NFE2L3: variants seen among roughly 807,000 people sequenced by gnomAD.
NFE2L3 encodes the protein nuclear factor erythroid 2-related factor 3.
Under a neutral mutation model 23.5 loss-of-function variants are expected in NFE2L3, and 18 were observed. The observed-to-expected ratio is 0.77, with a 90% CI of 0.53 to 1.13. The LOEUF (loss-of-function observed/expected upper bound fraction) is 1.13. Among genes scored for constraint, NFE2L3 ranks in the 50% most tolerant of loss-of-function variants. The probability of loss-of-function intolerance (pLI) is 0.00; values close to 1 mark genes in which losing one functional copy is unlikely to be tolerated. For synonymous variants in NFE2L3, 424 were observed against 354.5 expected, an observed-to-expected ratio of 1.20 and a Z score of -2.20; for missense variants, 1,152 against 877.2, an observed-to-expected ratio of 1.31 and a Z score of -3.96.
chr7:26,175,516 G>T (rs1460350577), intron 1 of NFE2L3, among the ~76,000 whole-genome samples: 1 of 152,036 alleles, frequency 6.6e-6, no homozygotes, highest in Admixed American at 6.5e-5. Flanking sequence ...GGTGGCTCAC[G>T]CCTGTAATCC....
At chr7:26,169,443 C>T (rs1784302209) in intron 1 of NFE2L3, among the ~76,000 whole-genome samples, 2 of 152,210 alleles carry the variant, frequency 1.3e-5, no homozygotes, top group South Asian at 2.1e-4. Context: ...TTACCCTCGC[C>T]TGACAGGTCA....
intron 3 of NFE2L3, chr7:26,184,299 C>A (rs952576222): frequency 4.1e-6 from 2 of 488,016 alleles, no homozygotes; most frequent in South Asian, 6.0e-5. Context: ...ATCCAGTCAG[C>A]TTTTATACTA....
chr7:26,157,855 G>A (rs1784106820), intron 1 of NFE2L3, among the ~76,000 whole-genome samples: 1 of 152,134 alleles, frequency 6.6e-6, no homozygotes, highest in Admixed American at 6.5e-5. Context: ...CAGCAGATTG[G>A]CCCTTCTGCG....
chr7:26,178,014 G>A lies in NFE2L3; in HGVS notation c.642G>A (p.Arg214=), dbSNP rs760497568. Residue 214 remains arginine, a synonymous_variant, in exon 2 of 4, where the codon AGG becomes AGA. Coordinates refer to ENST00000056233, the MANE Select transcript of NFE2L3 (RefSeq NM_004289.7). ...HSSQHEENEE[R]VSAQKENSLQ... ...CCCAGCATGAGGAAAATGAAGAAAGGGTGTCAGCCCAGAAGGAGAACTCAC... is the reference window on the plus strand; with the variant it reads ...CCCAGCATGAGGAAAATGAAGAAAGAGTGTCAGCCCAGAAGGAGAACTCAC... 2 of 1,614,092 alleles carry A rather than the reference G, an allele frequency of 1.2e-6. No homozygotes were observed. Among genetic ancestry groups the A allele is most frequent in the Non-Finnish European group, 1.7e-6 (2 of 1,179,992 alleles).
At position 26,152,620 on chromosome 7, in the gene NFE2L3, TG is replaced by T; in HGVS notation, c.123del (p.Leu42CysfsTer154). The T allele has an allele frequency of 6.5e-7, 1 of 1,536,240 alleles. No individual in the cohort carries two copies. Among genetic ancestry groups the T allele is most frequent in the Non-Finnish European group, 8.7e-7 (1 of 1,152,404 alleles). On this transcript the variant is annotated frameshift_variant, in exon 1 of 4. Transcript: ENST00000056233. LOFTEE classifies it high-confidence loss of function. The surrounding 1 kb of genome is among the most constrained non-coding windows in gnomAD (Gnocchi z 4.4). ...DLYLLLPPPTLLQDELLFLGG... is the reference protein window; with the variant it reads ...DLYLLLPPPTXLQDELLFLGG... ...TACCTGCTGCTGCCGCCGCCCACCC[TG>T]CTGCAGGACGAGCTGCTGTTCCTGG...
At chr7:26,183,002 G>A (rs1038843939) in intron 2 of NFE2L3, among the ~76,000 whole-genome samples, 1 of 151,976 alleles carries the variant, frequency 6.6e-6, no homozygotes, top group African/African-American at 2.4e-5. Context: ...GCCCAAGCTG[G>A]TCTCCAACTC....
chr7:26,167,094 T>C (rs1221230446), intron 1 of NFE2L3, among the ~76,000 whole-genome samples: 1 of 152,204 alleles, frequency 6.6e-6, no homozygotes, highest in East Asian at 1.9e-4. Flanking sequence ...AAAGGCCAGC[T>C]TTGCTCCTTT....
intron 1 of NFE2L3, among the ~76,000 whole-genome samples, chr7:26,156,189 TA>T (rs1403272037): frequency 2.0e-5 from 3 of 152,218 alleles, no homozygotes; most frequent in Non-Finnish European, 4.4e-5. Flanking sequence ...AGAAGGGGCT[TA>T]CCTCAGAGGG....
At position 26,184,843 on chromosome 7, in the gene NFE2L3, A is replaced by G; in HGVS notation, c.1145A>G (p.Tyr382Cys). 1.9e-6 allele frequency: 3 copies of G among 1,614,000 alleles called. No individual in the cohort carries two copies. Among genetic ancestry groups the G allele is most frequent in the South Asian group, 1.1e-5 (1 of 91,076 alleles). ...MRNLTSQDLLYDLDINIFDEI... is the reference protein window; with the variant it reads ...MRNLTSQDLLCDLDINIFDEI... ...AATCTAACAAGCCAAGACCTACTGT[A>G]TGACCTTGACATAAATATATTTGAT... The change falls in exon 4 of 4, where the codon TAT becomes TGT. Residue 382 changes from tyrosine to cysteine, a missense_variant. Physicochemically the swap from Tyr to Cys is radical, Grantham distance 194. Coordinates refer to ENST00000056233, the MANE Select transcript of NFE2L3 (RefSeq NM_004289.7).
At chr7:26,155,977 AC>A (rs1784075904) in intron 1 of NFE2L3, among the ~76,000 whole-genome samples, 1 of 151,430 alleles carries the variant, frequency 6.6e-6, no homozygotes, top group African/African-American at 2.4e-5. Flanking sequence ...TCCTTAACCC[AC>A]CCTCCTTCAC....
chr7:26,177,443 A>G (rs1399745471), intron 1 of NFE2L3, among the ~76,000 whole-genome samples: 2 of 152,196 alleles, frequency 1.3e-5, no homozygotes, highest in African/African-American at 4.8e-5. Flanking sequence ...CCAAAAATAC[A>G]AAAACCAGTC....
At chr7:26,182,799 CTG>C (rs1782352277) in intron 2 of NFE2L3, among the ~76,000 whole-genome samples, 2 of 152,080 alleles carry the variant, frequency 1.3e-5, no homozygotes, top group Non-Finnish European at 1.5e-5. Flanking sequence ...TAAGTATTGA[CTG>C]TAAAAATATT....
At chr7:26,168,427 T>TGCCCAGACATTCTTGTC (rs1554322150) in intron 1 of NFE2L3, among the ~76,000 whole-genome samples, 17 of 147,472 alleles carry the variant, frequency 1.2e-4, no homozygotes, top group South Asian at 2.1e-4. Context: ...TGAGCCACTG[T>TGCCCAGACATTCTTGTC]AGTCTCCATT....
intron 2 of NFE2L3, 78 bp from the exon 3 acceptor site, chr7:26,183,623 T>TCCTTTA (rs1782388753): frequency 4.8e-6 from 4 of 825,908 alleles, no homozygotes; most frequent in Non-Finnish European, 8.3e-6. Flanking sequence ...TACCTGGTGA[T>TCCTTTA]CCTTTAAAGA....
rs1309185366 is a variant in NFE2L3 at position 26,183,823 on chromosome 7, T to C, written c.834+39T>C. ...TGGCTTTTATCCTCGCAGGAACATA[T>C]CTGCACTGACCTTTTGGTGAACAAA... On this transcript the variant is annotated intron_variant, in intron 3 of 3. Coordinates refer to ENST00000056233, the MANE Select transcript of NFE2L3 (RefSeq NM_004289.7). 4 of 1,293,572 alleles carry C rather than the reference T, an allele frequency of 3.1e-6. No individual in the cohort carries two copies. The Admixed American group carries it at 5.0e-5, about 16-fold the overall frequency. The allele number at this position is 1,293,572 out of a possible 1,614,324, so 80.1% of individuals were successfully genotyped here.
At position 26,159,726 on chromosome 7, in the gene NFE2L3, G is replaced by A. The variant is rs1201315106; in HGVS notation, c.570+6658G>A. On this transcript the variant is annotated intron_variant, in intron 1 of 3. Transcript: ENST00000056233. ...GAGTGGATGAGGGCAGTGGAAAGCA[G>A]ACTTTCAGGCTAGCATTATAATTAA... 2.0e-5 allele frequency among the ~76,000 whole-genome samples: 3 copies of A among 152,160 alleles called. No individual in the cohort carries two copies. The East Asian group carries it at 5.8e-4, about 29-fold the overall frequency.
At position 26,185,449 on chromosome 7, in the gene NFE2L3, G is replaced by T; in HGVS notation, c.1751G>T (p.Arg584Leu). The T allele has an allele frequency of 6.2e-7, 1 of 1,614,066 alleles. No individual in the cohort carries two copies. Among genetic ancestry groups the T allele is most frequent in the Non-Finnish European group, 8.5e-7 (1 of 1,179,934 alleles). Reference protein sequence around the residue: ...LQVSLIRDIRRRGKNKVAAQN... With the variant: ...LQVSLIRDIRLRGKNKVAAQN... Reference sequence around the variant, plus strand: ...GTCTCACTTATCCGTGACATCAGACGAAGAGGGAAAAATAAAGTTGCTGCG... The same window carrying T: ...GTCTCACTTATCCGTGACATCAGACTAAGAGGGAAAAATAAAGTTGCTGCG... Residue 584 changes from arginine to leucine, a missense_variant, in exon 4 of 4, where the codon CGA (arginine) becomes CTA (leucine). Physicochemically the swap from Arg to Leu is moderately radical, Grantham distance 102. Transcript: ENST00000056233.
At chr7:26,153,127 G>C in intron 1 of NFE2L3, 59 bp downstream of exon 1, 3 of 1,457,136 alleles carry the variant, frequency 2.1e-6, no homozygotes, top group Non-Finnish European at 2.7e-6. Flanking sequence ...GAGCCCCCGA[G>C]GCTTGTGTCG....
At position 26,186,899 on chromosome 7, in the gene NFE2L3, T is replaced by C. The variant is rs1354628321; in HGVS notation, c.*1116T>C. The stretch of plus-strand genomic sequence containing the variant: ...AGTAAACAGGAGATTGCTGAATTTT[T>C]TGAAGACAGCAATGACCTCACCTAG... On this transcript the variant is annotated 3_prime_UTR_variant, in exon 4 of 4. Transcript: ENST00000056233. The C allele has an allele frequency of 2.0e-5, 3 of 152,240 alleles. No individual in the cohort carries two copies. The highest frequency in any genetic ancestry group is 7.2e-5 in the African/African-American group (3 of 41,468). The allele number at this position is 152,240 out of a possible 1,614,324, so 9.4% of individuals were successfully genotyped here.
Sources: allele counts gnomAD v4.1 joint callset (sites outside exome capture counted in the v4.1 genomes callset), GRCh38; gene constraint gnomAD v4.1.1; non-coding constraint Gnocchi (gnomAD v3.1); transcripts MANE v1.5; gene names NCBI Gene and HGNC (gene_info 2026-07-23, HGNC 2026-07-21).